The following SGCD variants were observed in gnomAD, a reference collection of about 807,000 sequenced individuals.
SGCD encodes sarcoglycan delta, also known as delta-sarcoglycan.
In SGCD, 18 loss-of-function variants were observed where a neutral mutation model predicts 36.6. The observed-to-expected ratio is 0.49, with a 90% CI of 0.34 to 0.73. The LOEUF (loss-of-function observed/expected upper bound fraction) is 0.73, where lower values mean the gene tolerates loss of function less well. Ranked by LOEUF, SGCD falls within the 30% of genes least tolerant of loss-of-function variation. The pLI, the probability that SGCD is intolerant of heterozygous loss-of-function variation, is 0.01. For synonymous variants in SGCD, 133 were observed against 130.6 expected (o/e 1.02, Z -0.12); for missense variants, 387 against 346.7 (o/e 1.12, Z -0.92).
chr5:156,535,652 G>A (rs1328189457), intron 4 of SGCD, among the ~76,000 whole-genome samples: 2 of 152,146 alleles, frequency 1.3e-5, no homozygotes, highest in South Asian at 2.1e-4. Context: ...CATAGAGACT[G>A]CCATGTTAAT....
intron 3 of SGCD, among the ~76,000 whole-genome samples, chr5:156,314,044 A>G (rs1256223750): frequency 1.3e-5 from 2 of 152,050 alleles, no homozygotes; most frequent in Non-Finnish European, 2.9e-5. Context: ...TGATCATTGA[A>G]TCTGTGATAA....
chr5:156,039,532 C>G (rs1196482506), intron 1 of SGCD, among the ~76,000 whole-genome samples: 1 of 152,104 alleles, frequency 6.6e-6, no homozygotes, highest in Non-Finnish European at 1.5e-5. Flanking sequence ...AGTACAGGCA[C>G]ATGGTAGATA....
At chr5:156,290,600 T>C (rs915993599) in intron 3 of SGCD, among the ~76,000 whole-genome samples, 1 of 152,174 alleles carries the variant, frequency 6.6e-6, no homozygotes, top group Admixed American at 6.6e-5. Context: ...ACATAGTTCC[T>C]GGTACATATT....
chr5:156,211,488 G>A (rs1157980037), intron 3 of SGCD, among the ~76,000 whole-genome samples: 1 of 151,806 alleles, frequency 6.6e-6, no homozygotes, highest in Non-Finnish European at 1.5e-5. Context: ...GGCGCCTGTA[G>A]TCCCAGCTAC....
chr5:156,038,830 G>C (rs1759562039), intron 1 of SGCD, among the ~76,000 whole-genome samples: 1 of 152,160 alleles, frequency 6.6e-6, no homozygotes, highest in Non-Finnish European at 1.5e-5. Flanking sequence ...ACCACACATT[G>C]AGGCTGTTTT....
intron 3 of SGCD, among the ~76,000 whole-genome samples, chr5:156,160,751 C>T (rs77303322): frequency 0.012 from 1,808 of 151,690 alleles, 24 homozygotes; most frequent in Non-Finnish European, 0.019. Context: ...CCCATCATCA[C>T]GTAATAGTAG....
the SGCD span, among the ~76,000 whole-genome samples, chr5:155,847,744 T>C: frequency 1.3e-5 from 2 of 152,198 alleles, no homozygotes; most frequent in Admixed American, 1.3e-4. Flanking sequence ...CAGTCCCACC[T>C]GTTCCAGCCC....
intron 1 of SGCD, among the ~76,000 whole-genome samples, chr5:155,955,871 A>G (rs1757639464): frequency 6.6e-6 from 1 of 152,134 alleles, no homozygotes; most frequent in African/African-American, 2.4e-5. Context: ...AGAAAAGAAA[A>G]TTTAACATAG....
chr5:156,646,384 G>A (rs906607163), intron 6 of SGCD, among the ~76,000 whole-genome samples: 4 of 152,172 alleles, frequency 2.6e-5, no homozygotes, highest in Admixed American at 2.0e-4. Context: ...AGAAGCATCA[G>A]TACCATTTGG....
At chr5:155,886,396 A>T (rs1755999548) in intron 1 of SGCD, among the ~76,000 whole-genome samples, 1 of 152,154 alleles carries the variant, frequency 6.6e-6, no homozygotes, top group Admixed American at 6.5e-5. Context: ...AGAGAATCTG[A>T]TTGATGGATC....
chr5:156,600,802 G>T (rs1761158933), intron 6 of SGCD, among the ~76,000 whole-genome samples: 2 of 151,986 alleles, frequency 1.3e-5, no homozygotes, highest in Non-Finnish European at 2.9e-5. Flanking sequence ...CCATGTTAAG[G>T]ATTCCCTTTT....
chr5:156,166,341 G>T (rs1763212286), intron 3 of SGCD, among the ~76,000 whole-genome samples: 1 of 151,984 alleles, frequency 6.6e-6, no homozygotes. Context: ...TATTGAGATG[G>T]AGTCTCGCTC....
At chr5:156,251,558 A>T (rs376628045) in intron 3 of SGCD, among the ~76,000 whole-genome samples, 3 of 151,022 alleles carry the variant, frequency 2.0e-5, no homozygotes, top group African/African-American at 7.3e-5. Context: ...CTGTGTTGCC[A>T]GGCTGAAGTG....
At chr5:155,858,475 A>G in the SGCD span, among the ~76,000 whole-genome samples, 1 of 152,128 alleles carries the variant, frequency 6.6e-6, no homozygotes, top group African/African-American at 2.4e-5. Flanking sequence ...AATTTATATC[A>G]TCTTTTGTAG....
At chr5:156,623,507 G>A (rs1762332648) in intron 6 of SGCD, among the ~76,000 whole-genome samples, 1 of 152,220 alleles carries the variant, frequency 6.6e-6, no homozygotes, top group South Asian at 2.1e-4. Flanking sequence ...CCAAAGAAAA[G>A]AAGCTGAGCA....
At chr5:155,783,575 T>G in the SGCD span, among the ~76,000 whole-genome samples, 1 of 152,060 alleles carries the variant, frequency 6.6e-6, no homozygotes, top group African/African-American at 2.4e-5. Flanking sequence ...GCATAGTCAC[T>G]GCAAGTATTC....
Position 156,656,894 on chromosome 5 carries a change from TTTG to T in SGCD, c.575+9370_575+9372del, listed in dbSNP as rs200425344. ...ACTTGAACATCCTGTAGGGTTTCTT[TTTG>T]TTGTTGTTGTTTTGTTTTGTTTTAA... is the stretch of plus-strand genomic sequence containing the variant. On this transcript the variant is annotated intron_variant, in intron 7 of 8. Coordinates refer to ENST00000337851, the MANE Select transcript of SGCD (RefSeq NM_000337.6). Among the ~76,000 whole-genome samples the T allele has an allele frequency of 9.5e-4, 145 of 152,272 alleles. No homozygotes were observed. The East Asian group carries it at 0.017, about 18-fold the overall frequency.
chr5:156,285,400 A>C (rs981717027), intron 3 of SGCD, among the ~76,000 whole-genome samples: 1 of 152,240 alleles, frequency 6.6e-6, no homozygotes, highest in African/African-American at 2.4e-5. Flanking sequence ...AGCTGGAGGC[A>C]TCATGCTACC....
In SGCD at chr5:155,987,695, G is replaced by T. The variant is rs76276557; in HGVS notation, c.-282+117271G>T. Among the ~76,000 whole-genome samples, 1,105 of 152,164 alleles carry T rather than the reference G, an allele frequency of 7.3e-3. 8 individuals carry two copies. The highest frequency in any genetic ancestry group is 0.026 in the African/African-American group (1,063 of 41,504). ...TTTTACTCATTCATCTGCCTTCCCT[G>T]CCAGGCACTTTCCTGCTAAGTCTCT... On this transcript the variant is annotated intron_variant, in intron 1 of 9. Transcript: ENST00000517913.
Sources: allele counts gnomAD v4.1 joint callset (sites outside exome capture counted in the v4.1 genomes callset), GRCh38; gene constraint gnomAD v4.1.1; transcripts MANE v1.5; gene names NCBI Gene and HGNC (gene_info 2026-07-23, HGNC 2026-07-21).